The following ABCA4 variants were observed in gnomAD, a reference collection of about 807,000 sequenced individuals.
The protein encoded by ABCA4 is retinal-specific phospholipid-transporting ATPase ABCA4.
Under a neutral mutation model 263.7 loss-of-function variants are expected in ABCA4, and 196 were observed. The observed-to-expected ratio is 0.74, with a 90% CI of 0.66 to 0.84. The LOEUF is 0.84. Ranked by LOEUF, ABCA4 falls within the 40% of genes least tolerant of loss-of-function variation. The pLI is 0.00. For missense variants in ABCA4, 2,792 were observed against 2,855.1 expected (o/e 0.98, Z 0.50); for synonymous variants, 1,133 against 1,094.2 (o/e 1.04, Z -0.70).
chr1:94,032,991 T>C (rs1035983977), intron 26 of ABCA4, among the ~76,000 whole-genome samples: 1 of 152,204 alleles, frequency 6.6e-6, no homozygotes, highest in African/African-American at 2.4e-5. Context: ...TCTGAATTCT[T>C]AGAGGATACT....
In ABCA4 at chr1:94,112,978, T is replaced by C; in HGVS notation, c.155A>G (p.His52Arg). 6.2e-7 allele frequency: 1 copy of C among 1,613,102 alleles called. No individual in the cohort carries two copies. Among genetic ancestry groups the C allele is most frequent in the African/African-American group, 1.3e-5 (1 of 74,994 alleles). The change falls in exon 2 of 50, where the codon CAT becomes CGT. Residue 52 changes from histidine to arginine, a missense_variant. By Grantham distance (29) the His-to-Arg change is conservative. Transcript: ENST00000370225. ...AGCTACCCTGCTATGCTTACATTCA[T>C]GATGGCTGTAGAGTGGGTTGGCATT... ...LRNANPLYSH[H>R]ECHFPNKAMP... is the part of the protein sequence containing the mutation.
At chr1:94,101,609 G>A (rs1020219237) in intron 5 of ABCA4, among the ~76,000 whole-genome samples, 3 of 152,248 alleles carry the variant, frequency 2.0e-5, no homozygotes, top group African/African-American at 7.2e-5. Context: ...AGCACCCTGT[G>A]CAGACCTTGA....
At chr1:94,110,848 G>A (rs1443143497) in intron 3 of ABCA4, among the ~76,000 whole-genome samples, 1 of 152,102 alleles carries the variant, frequency 6.6e-6, no homozygotes, top group African/African-American at 2.4e-5. Context: ...ATAGCCTGCA[G>A]GCCCACAGTG....
chr1:94,014,487 A>G, intron 38 of ABCA4, 56 bp downstream of exon 38: 2 of 1,599,766 alleles, frequency 1.3e-6, no homozygotes, highest in Non-Finnish European at 1.7e-6. Flanking sequence ...TGCTCGACCA[A>G]CACATACTCT....
intron 4 of ABCA4, among the ~76,000 whole-genome samples, chr1:94,103,692 T>C (rs1333992404): frequency 6.6e-6 from 1 of 152,192 alleles, no homozygotes; most frequent in Non-Finnish European, 1.5e-5. Context: ...ACACCGCAGC[T>C]GTCACAGGGT....
chr1:94,113,075 A>C lies in ABCA4; in HGVS notation c.67-9T>G. On this transcript the variant is annotated splice_polypyrimidine_tract_variant and intron_variant, in intron 1 of 49. Transcript: ENST00000370225. ...TCCACCACAAAGCGAATCTGGAAAAACAAAACAAAAAGAGAGAAAGTTCAG... is the reference window on the plus strand; with the variant it reads ...TCCACCACAAAGCGAATCTGGAAAACCAAAACAAAAAGAGAGAAAGTTCAG... 1 of 1,613,356 alleles carries C rather than the reference A, an allele frequency of 6.2e-7. No homozygotes were observed. The highest frequency in any genetic ancestry group is 8.5e-7 in the Non-Finnish European group (1 of 1,179,348).
At chr1:94,042,991 C>T in intron 21 of ABCA4, 93 bp from the exon 22 acceptor site, 1 of 1,551,262 alleles carries the variant, frequency 6.4e-7, no homozygotes, top group Non-Finnish European at 8.9e-7. Flanking sequence ...GGTACCTTAA[C>T]CCAGCAGTGG....
rs189723503 is a variant in ABCA4 at position 94,041,818 on chromosome 1, G to A, written c.3329-416C>T. Reference sequence around the variant, plus strand: ...TGTCATTAACAGAAAACAGCAGGCCGGGCACGGTGGCTCATGCCTGTAATC... The same window carrying A: ...TGTCATTAACAGAAAACAGCAGGCCAGGCACGGTGGCTCATGCCTGTAATC... On this transcript the variant is annotated intron_variant, in intron 22 of 49. Coordinates refer to ENST00000370225, the MANE Select transcript of ABCA4 (RefSeq NM_000350.3). Among the ~76,000 whole-genome samples, 83 of 152,268 alleles carry A rather than the reference G, an allele frequency of 5.5e-4. 1 individual carries two copies. Among genetic ancestry groups the A allele is most frequent in the Admixed American group, 8.5e-4 (13 of 15,300 alleles).
intron 12 of ABCA4, among the ~76,000 whole-genome samples, 167 bp downstream of exon 12, chr1:94,062,945 T>C (rs191904765): frequency 1.3e-5 from 2 of 152,370 alleles, no homozygotes; most frequent in East Asian, 3.9e-4. Context: ...GACTCTGTAA[T>C]TGCTTTCATT....
At chr1:94,106,736 C>A (rs1662447502) in intron 4 of ABCA4, among the ~76,000 whole-genome samples, 1 of 152,222 alleles carries the variant, frequency 6.6e-6, no homozygotes, top group South Asian at 2.1e-4. Context: ...TGGTCATACG[C>A]CTGTCCTTTC....
At chr1:94,120,900 A>AAC in intron 1 of ABCA4, 80 bp downstream of exon 1, 22 of 247,102 alleles carry the variant, frequency 8.9e-5, no homozygotes, top group East Asian at 3.1e-4. Flanking sequence ...CCACCACCCT[A>AAC]CCCCACCACC....
At position 93,993,124 on chromosome 1, in the gene ABCA4, A is replaced by T; in HGVS notation, c.*113T>A. ...TCCTCGTGTGTTTGTTTTCTGCTGC[A>T]GTGGGGTCATTTACGCTGGCCAGTC... On this transcript the variant is annotated 3_prime_UTR_variant, in exon 50 of 50. Coordinates refer to ENST00000370225, the MANE Select transcript of ABCA4 (RefSeq NM_000350.3). 7.2e-7 allele frequency: 1 copy of T among 1,388,332 alleles called. No homozygotes were observed. Among genetic ancestry groups the T allele is most frequent in the Non-Finnish European group, 1.0e-6 (1 of 980,738 alleles). 86.0% of individuals were successfully genotyped at this position (1,388,332 alleles called of 1,614,324 possible).
chr1:94,014,898 G>A (rs1304831469), intron 37 of ABCA4, among the ~76,000 whole-genome samples: 1 of 152,200 alleles, frequency 6.6e-6, no homozygotes, highest in Admixed American at 6.5e-5. Context: ...CACTTCATGG[G>A]GTTTTGTGAG....
rs761915394 is a variant in ABCA4 at position 94,041,286 on chromosome 1, T to A, written c.3445A>T (p.Asn1149Tyr). 2 of 1,614,116 alleles carry A rather than the reference T, an allele frequency of 1.2e-6. No individual in the cohort carries two copies. Among genetic ancestry groups the A allele is most frequent in the South Asian group, 2.2e-5 (2 of 91,080 alleles). ...AAGTACAAGCCTGTGCCAAAGCAGT[T>A]CTTCAGGAAGAGTGGGGTGCCTGAG... ...YCSGTPLFLK[N>Y]CFGTGLYLTL... Residue 1149 changes from asparagine to tyrosine, a missense_variant, in exon 23 of 50, where the codon AAC (asparagine) becomes TAC (tyrosine). Asn to Tyr is a moderately radical substitution (Grantham distance 143). Coordinates refer to ENST00000370225, the MANE Select transcript of ABCA4 (RefSeq NM_000350.3).
Position 94,064,595 on chromosome 1 carries a change from C to T in ABCA4, c.1555-1278G>A, listed in dbSNP as rs1661215856. On this transcript the variant is annotated intron_variant, in intron 11 of 49. Coordinates refer to ENST00000370225, the MANE Select transcript of ABCA4 (RefSeq NM_000350.3). ...GCGGAGCTTTAAAAGATACCTATGCCAGGCCCTACCCCAAGCAATTAAATC... is the reference window on the plus strand; with the variant it reads ...GCGGAGCTTTAAAAGATACCTATGCTAGGCCCTACCCCAAGCAATTAAATC... 6.6e-6 allele frequency among the ~76,000 whole-genome samples: 1 copy of T among 152,198 alleles called. No homozygotes were observed. The highest frequency in any genetic ancestry group is 2.4e-5 in the African/African-American group (1 of 41,452).
intron 18 of ABCA4, among the ~76,000 whole-genome samples, chr1:94,048,529 T>G (rs1660749462): frequency 6.6e-6 from 1 of 152,252 alleles, no homozygotes. Flanking sequence ...TCATATCCGC[T>G]TTAAGTCCCA....
chr1:94,108,828 A>G, intron 3 of ABCA4, 112 bp from the exon 4 acceptor site: 1 of 1,327,866 alleles, frequency 7.5e-7, no homozygotes, highest in East Asian at 2.7e-5. Context: ...GCTGGAGTGC[A>G]GTGGCGTGAT....
chr1:94,036,905 C>A, intron 25 of ABCA4, 117 bp from the exon 26 acceptor site: 1 of 1,047,150 alleles, frequency 9.5e-7, no homozygotes, highest in Non-Finnish European at 1.5e-6. Context: ...TCCATTACGA[C>A]TCTATCTGAG....
At chr1:94,018,210 C>A (rs188641791) in intron 36 of ABCA4, among the ~76,000 whole-genome samples, 2 of 152,040 alleles carry the variant, frequency 1.3e-5, no homozygotes, top group African/African-American at 4.8e-5. Flanking sequence ...TGCACACATA[C>A]ACACACACAG....
Sources: gnomAD v4.1 joint callset for allele counts (sites outside exome capture counted in the v4.1 genomes callset) on GRCh38, gnomAD v4.1.1 for gene constraint, MANE v1.5 for transcripts, NCBI Gene and HGNC (gene_info 2026-07-23, HGNC 2026-07-21) for gene names.